ADAM22: variants seen among roughly 807,000 people sequenced by gnomAD.
The protein encoded by ADAM22 is disintegrin and metalloproteinase domain-containing protein 22.
Under a neutral mutation model 144.6 loss-of-function variants are expected in ADAM22, and 65 were observed. The observed-to-expected ratio is 0.45, with a 90% CI of 0.37 to 0.55. ADAM22 has a LOEUF of 0.55. Ranked by LOEUF, ADAM22 falls within the 20% of genes least tolerant of loss-of-function variation. The probability of loss-of-function intolerance (pLI) is 0.00; values close to 1 mark genes in which losing one functional copy is unlikely to be tolerated. For missense variants in ADAM22, 974 were observed against 1,184.9 expected, an observed-to-expected ratio of 0.82 and a Z score of 2.61; for synonymous variants, 391 against 412.6, an observed-to-expected ratio of 0.95 and a Z score of 0.63.
At chr7:87,967,884 T>C (rs76053631) in intron 2 of ADAM22, among the ~76,000 whole-genome samples, 2,446 of 151,256 alleles carry the variant, frequency 0.016, 81 homozygotes, top group African/African-American at 0.056. Flanking sequence ...TACAGAGATA[T>C]TGGCCCTCAA....
chr7:87,974,319 G>T (rs965665325), intron 2 of ADAM22, among the ~76,000 whole-genome samples: 15 of 142,068 alleles, frequency 1.1e-4, no homozygotes, highest in East Asian at 2.0e-4. Context: ...AAAAAAAAAA[G>T]AAAAAAAATA....
rs141477477 is a variant in ADAM22 at position 87,979,632 on chromosome 7, C to T, written c.323+1220C>T. On this transcript the variant is annotated intron_variant, in intron 3 of 31. Transcript: ENST00000413139. ...TATTTGGTCTATAGTCTTTTTCCTA[C>T]CCCTGCAATGTAAGCTCTTTGAGGG... Among the ~76,000 whole-genome samples the T allele has an allele frequency of 5.0e-4, 76 of 152,116 alleles. 1 individual carries two copies. The East Asian group carries it at 0.015, about 29-fold the overall frequency.
In ADAM22 at chr7:88,186,288, A is replaced by G. The variant is rs551505531; in HGVS notation, c.2664-327A>G. 2.0e-4 allele frequency: 50 copies of G among 254,922 alleles called. 2 individuals are homozygous for G. In the South Asian group the frequency reaches 2.2e-3, roughly 11 times the overall value. 15.8% of individuals were successfully genotyped at this position (254,922 alleles called of 1,614,324 possible). A position where few individuals can be genotyped will look rare whatever the true frequency, so the allele number is the denominator to read the frequency against. On this transcript the variant is annotated intron_variant, in intron 29 of 31. Transcript: ENST00000413139. ...GAGCCAAATGAGAGGTGGCCTGGAA[A>G]AAGCCACTTTAGAGGTGGGTGAATG...
intron 4 of ADAM22, among the ~76,000 whole-genome samples, chr7:88,098,081 T>C (rs558412657): frequency 6.6e-6 from 1 of 152,290 alleles, no homozygotes; most frequent in Non-Finnish European, 1.5e-5. Context: ...TTTGTTATAT[T>C]AGTGGGTGTC....
chr7:87,944,816 GTT>G (rs11311070), intron 2 of ADAM22, among the ~76,000 whole-genome samples: 27 of 127,022 alleles, frequency 2.1e-4, no homozygotes, highest in African/African-American at 2.6e-4. Context: ...GGAAACTTGT[GTT>G]TTTTTTTTTT....
chr7:88,155,995 A>T lies in ADAM22; in HGVS notation c.1896A>T (p.Thr632=), dbSNP rs763688896. 2.5e-6 allele frequency: 4 copies of T among 1,613,064 alleles called. No individual in the cohort carries two copies. The Admixed American group carries it at 6.7e-5, about 27-fold the overall frequency. Residue 632 remains threonine, a synonymous_variant, in exon 22 of 32, where the codon ACA becomes ACT. Transcript: ENST00000413139. ...CTTTAGTTGTGCAGCAAGGAAGAAC[A>T]TTAAACTGCAGGTAATTATCTAACC... The part of the protein sequence containing the change: ...TSTLVVQQGR[T]LNCSGGHVKL...
intron 30 of ADAM22, among the ~76,000 whole-genome samples, chr7:88,187,439 G>A (rs572930679): frequency 5.3e-4 from 81 of 152,278 alleles, no homozygotes; most frequent in African/African-American, 7.9e-4. Flanking sequence ...GAAGAATATC[G>A]CTACATTTTA....
At chr7:88,125,889 T>C (rs1830288658) in intron 8 of ADAM22, among the ~76,000 whole-genome samples, 1 of 152,022 alleles carries the variant, frequency 6.6e-6, no homozygotes, top group Admixed American at 6.6e-5. Flanking sequence ...CTTCATCATA[T>C]TATGGGTTAT....
chr7:88,062,043 G>A (rs1810027555), intron 3 of ADAM22, among the ~76,000 whole-genome samples: 1 of 151,860 alleles, frequency 6.6e-6, no homozygotes, highest in Non-Finnish European at 1.5e-5. Context: ...GGGTCCTGCT[G>A]TGTTGCCCAG....
rs555033283 is a variant in ADAM22 at position 88,191,261 on chromosome 7, G to T, written c.2751-1855G>T. Among the ~76,000 whole-genome samples the T allele has an allele frequency of 2.2e-3, 341 of 152,350 alleles. 1 individual carries two copies. Among genetic ancestry groups the T allele is most frequent in the African/African-American group, 7.8e-3 (325 of 41,576 alleles). Reference sequence around the variant, plus strand: ...CAGCACCCCTCATTGGAATGGCTTTGTCCATGTATCAGGCTGGCCATTTGG... The same window carrying T: ...CAGCACCCCTCATTGGAATGGCTTTTTCCATGTATCAGGCTGGCCATTTGG... On this transcript the variant is annotated intron_variant, in intron 30 of 31. Transcript: ENST00000413139.
intron 3 of ADAM22, among the ~76,000 whole-genome samples, chr7:88,071,758 T>C (rs1812874094): frequency 6.6e-6 from 1 of 152,152 alleles, no homozygotes; most frequent in South Asian, 2.1e-4. Context: ...TAGAAATTGG[T>C]TGAAAATGAT....
intron 3 of ADAM22, among the ~76,000 whole-genome samples, chr7:88,043,295 C>T (rs1264075111): frequency 6.6e-6 from 1 of 151,930 alleles, no homozygotes; most frequent in Non-Finnish European, 1.5e-5. Context: ...ACCATCCTGG[C>T]TAACACGATG....
intron 3 of ADAM22, among the ~76,000 whole-genome samples, chr7:88,022,640 A>G (rs186656898): frequency 1.5e-4 from 23 of 152,302 alleles, no homozygotes; most frequent in Non-Finnish European, 1.6e-4. Context: ...AATTTTTTTC[A>G]TATCAGTAAG....
chr7:87,984,921 C>T (rs781526389), intron 3 of ADAM22, among the ~76,000 whole-genome samples: 1 of 152,062 alleles, frequency 6.6e-6, no homozygotes, highest in Non-Finnish European at 1.5e-5. Flanking sequence ...GATCGCCTGC[C>T]TCAGTCTCCC....
At chr7:88,132,800 A>G in intron 11 of ADAM22, 67 bp from the exon 12 acceptor site, 1 of 1,256,038 alleles carries the variant, frequency 8.0e-7, no homozygotes, top group Admixed American at 1.8e-5. Flanking sequence ...GTAGTAAACT[A>G]ATAATGAGGG....
At position 88,131,132 on chromosome 7, in the gene ADAM22, G is replaced by T. The variant is rs539974119; in HGVS notation, c.826-137G>T. ...TCATTCTCTGTTACTCAAGGGAAAT[G>T]CATGTAAATTAGAAAGTTATCTCCC... On this transcript the variant is annotated intron_variant, in intron 10 of 31. Coordinates refer to ENST00000413139, the MANE Select transcript of ADAM22 (RefSeq NM_001324418.2). 1.1e-4 allele frequency: 73 copies of T among 656,010 alleles called. 1 individual carries two copies. In the African/African-American group the frequency reaches 1.2e-3, roughly 11 times the overall value. 40.6% of individuals were successfully genotyped at this position (656,010 alleles called of 1,614,324 possible). A position where few individuals can be genotyped will look rare whatever the true frequency, so the allele number is the denominator to read the frequency against.
At chr7:88,156,933 A>G (rs1466460525) in intron 22 of ADAM22, among the ~76,000 whole-genome samples, 2 of 152,046 alleles carry the variant, frequency 1.3e-5, no homozygotes, top group Non-Finnish European at 2.9e-5. Flanking sequence ...GACAAAAACA[A>G]TGAGACAATG....
At chr7:88,146,713 C>T (rs987512364) in intron 17 of ADAM22, among the ~76,000 whole-genome samples, 3 of 152,174 alleles carry the variant, frequency 2.0e-5, no homozygotes, top group African/African-American at 7.2e-5. Flanking sequence ...TAAGCAAACT[C>T]AGTCTCAAGG....
At position 88,149,027 on chromosome 7, in the gene ADAM22, T is replaced by A; in HGVS notation, c.1536T>A (p.Ile512=). ...VCREAVNDCD[I]RETCSGNSSQ... is the part of the protein sequence containing the mutation. ...GAGAAGCAGTAAATGATTGTGATAT[T>A]CGTGAAACGTGCTCAGGAAATTCAA... The change falls in exon 18 of 32, where the codon ATT becomes ATA. Residue 512 remains isoleucine, a synonymous_variant. Transcript: ENST00000413139. 1 of 1,612,504 alleles carries A rather than the reference T, an allele frequency of 6.2e-7. No individual in the cohort carries two copies. The highest frequency in any genetic ancestry group is 8.5e-7 in the Non-Finnish European group (1 of 1,178,918).
Sources: allele counts gnomAD v4.1 joint callset (sites outside exome capture counted in the v4.1 genomes callset), GRCh38; gene constraint gnomAD v4.1.1; transcripts MANE v1.5; gene names NCBI Gene and HGNC (gene_info 2026-07-23, HGNC 2026-07-21).